BBS9: variants seen among roughly 807,000 people sequenced by gnomAD.
BBS9 encodes the protein Bardet-Biedl syndrome 9.
Under a neutral mutation model 117.7 loss-of-function variants are expected in BBS9, and 89 were observed. The ratio of observed to expected loss-of-function variants is 0.76; its 90% CI spans 0.64 to 0.90. The LOEUF (loss-of-function observed/expected upper bound fraction) is 0.90, where lower values mean the gene tolerates loss of function less well. Ranked by LOEUF, BBS9 falls within the 40% of genes least tolerant of loss-of-function variation. BBS9 has a pLI of 0.00. For missense variants in BBS9, 982 were observed against 1,042.2 expected (o/e 0.94, Z 0.80); for synonymous variants, 379 against 370.9 (o/e 1.02, Z -0.25).
chr7:33,363,364 G>A (rs1019123155), intron 16 of BBS9, among the ~76,000 whole-genome samples: 2 of 152,050 alleles, frequency 1.3e-5, no homozygotes, highest in Non-Finnish European at 1.5e-5. Context: ...TGGCCTCCCC[G>A]AGTGCTGGGA....
At chr7:33,476,489 C>G (rs1438771738) in intron 19 of BBS9, among the ~76,000 whole-genome samples, 1 of 152,224 alleles carries the variant, frequency 6.6e-6, no homozygotes, top group Non-Finnish European at 1.5e-5. Flanking sequence ...TGGGCAGCAT[C>G]TTGGCCATGG....
intron 19 of BBS9, among the ~76,000 whole-genome samples, chr7:33,462,379 T>C (rs1839592725): frequency 6.6e-6 from 1 of 152,086 alleles, no homozygotes; most frequent in African/African-American, 2.4e-5. Context: ...AGTTTGTAAA[T>C]GCAGTAATAT....
intron 20 of BBS9, among the ~76,000 whole-genome samples, chr7:33,521,962 G>A (rs1400739682): frequency 3.6e-5 from 5 of 137,572 alleles, no homozygotes; most frequent in Non-Finnish European, 6.0e-5. Context: ...TGATCTCATT[G>A]TTCAGTTCCC....
At chr7:33,261,066 CTT>C (rs796353587) in intron 6 of BBS9, among the ~76,000 whole-genome samples, 1 of 145,464 alleles carries the variant, frequency 6.9e-6, no homozygotes. Context: ...TCTCTCTCTC[CTT>C]TTTTTTTTTT....
At chr7:33,501,630 ATGT>A (rs1845457352) in intron 19 of BBS9, among the ~76,000 whole-genome samples, 1 of 152,182 alleles carries the variant, frequency 6.6e-6, no homozygotes, top group African/African-American at 2.4e-5. Context: ...ATGAACTGAC[ATGT>A]TGTTGCACTT....
chr7:33,204,135 G>A (rs1220166445), intron 5 of BBS9, among the ~76,000 whole-genome samples: 1 of 130,694 alleles, frequency 7.7e-6, no homozygotes, highest in Non-Finnish European at 1.6e-5. Flanking sequence ...CGGGCATGGT[G>A]GCTCACGCCT....
intron 19 of BBS9, among the ~76,000 whole-genome samples, chr7:33,430,907 G>A (rs1278210066): frequency 2.6e-5 from 4 of 152,026 alleles, no homozygotes; most frequent in Non-Finnish European, 5.9e-5. Flanking sequence ...CAATGGTACT[G>A]GCCTGGCATG....
At chr7:33,438,084 A>T (rs1177687903) in intron 19 of BBS9, among the ~76,000 whole-genome samples, 2 of 152,224 alleles carry the variant, frequency 1.3e-5, no homozygotes, top group East Asian at 3.8e-4. Context: ...CATAATGAAC[A>T]TATTGTGGTG....
At chr7:33,334,699 C>T (rs1297500172) in intron 9 of BBS9, among the ~76,000 whole-genome samples, 2 of 152,086 alleles carry the variant, frequency 1.3e-5, no homozygotes, top group Non-Finnish European at 2.9e-5. Context: ...ATGGCAGAAG[C>T]AATTGATAAA....
At chr7:33,397,406 G>A (rs1023479962) in intron 19 of BBS9, among the ~76,000 whole-genome samples, 1 of 152,168 alleles carries the variant, frequency 6.6e-6, no homozygotes, top group African/African-American at 2.4e-5. Context: ...GGAAGACAGT[G>A]TGGTGATTTC....
rs768230309 is a variant in BBS9, at chr7:33,596,393, A to ATC, written c.2522-8471_2522-8470insCT. Reference sequence around the variant, plus strand: ...TATCTATCTATCTATCTATCTATCTATATATAATTAGTCAAAAAAATTCCC... The same window carrying ATC: ...TATCTATCTATCTATCTATCTATCTATCTATATAATTAGTCAAAAAAATTCCC... On this transcript the variant is annotated intron_variant, in intron 21 of 22. Transcript: ENST00000242067. Among the ~76,000 whole-genome samples, 1,241 of 150,768 alleles carry ATC rather than the reference A, an allele frequency of 8.2e-3. 14 individuals are homozygous for ATC. Among genetic ancestry groups the ATC allele is most frequent in the African/African-American group, 0.015 (609 of 41,086 alleles).
chr7:33,556,716 A>G (rs879627063), intron 21 of BBS9, among the ~76,000 whole-genome samples: 29 of 152,148 alleles, frequency 1.9e-4, no homozygotes, highest in African/African-American at 4.6e-4. Context: ...AGAGGTGTCA[A>G]TTTGCTGGAG....
At chr7:33,422,317 T>A (rs146849729) in intron 19 of BBS9, among the ~76,000 whole-genome samples, 8 of 152,334 alleles carry the variant, frequency 5.3e-5, no homozygotes, top group African/African-American at 1.7e-4. Flanking sequence ...TGCAGACCAC[T>A]GTATATTTGA....
chr7:33,582,181 A>G (rs1385231273), intron 21 of BBS9, among the ~76,000 whole-genome samples: 2 of 152,234 alleles, frequency 1.3e-5, no homozygotes, highest in Middle Eastern at 3.4e-3. Flanking sequence ...TGGGTGAGGG[A>G]AGGCCTATCA....
intron 19 of BBS9, among the ~76,000 whole-genome samples, chr7:33,453,684 G>A (rs574749472): frequency 1.6e-4 from 24 of 151,902 alleles, no homozygotes; most frequent in Non-Finnish European, 2.8e-4. Context: ...ACCATGCCCG[G>A]CTAATTTTGT....
Position 33,336,743 on chromosome 7 carries a change from T to C in BBS9, c.1198+121T>C, listed in dbSNP as rs1815455536. 3 of 744,600 alleles carry C rather than the reference T, an allele frequency of 4.0e-6. No homozygotes were observed. In the East Asian group the frequency reaches 8.2e-5, roughly 20 times the overall value. The allele number at this position is 744,600 out of a possible 1,614,324, so 46.1% of individuals were successfully genotyped here. A position where few individuals can be genotyped will look rare whatever the true frequency, so the allele number is the denominator to read the frequency against. On this transcript the variant is annotated intron_variant, in intron 10 of 22. Coordinates refer to ENST00000242067, the MANE Select transcript of BBS9 (RefSeq NM_198428.3). ...CCTCTAGGCTTAATTAAAATCATAT[T>C]TGTAAAAACAGTATTGCTCTTTAGC...
chr7:33,311,519 A>G (rs1036260486), intron 9 of BBS9, among the ~76,000 whole-genome samples: 1 of 152,082 alleles, frequency 6.6e-6, no homozygotes, highest in Non-Finnish European at 1.5e-5. Context: ...CTTCTCATAT[A>G]CCCACCTTGC....
chr7:33,312,000 AT>A (rs1219246867), intron 9 of BBS9, among the ~76,000 whole-genome samples: 2 of 152,184 alleles, frequency 1.3e-5, no homozygotes, highest in Non-Finnish European at 2.9e-5. Context: ...TCCAAGAAAC[AT>A]TTGCATTTTG....
intron 5 of BBS9, among the ~76,000 whole-genome samples, chr7:33,190,813 A>G (rs1186510264): frequency 6.6e-6 from 1 of 152,208 alleles, no homozygotes; most frequent in Non-Finnish European, 1.5e-5. Flanking sequence ...CCTGAGCCAC[A>G]GGTGTGGGAA....
Sources: gnomAD v4.1 joint callset for allele counts (sites outside exome capture counted in the v4.1 genomes callset) on GRCh38, gnomAD v4.1.1 for gene constraint, MANE v1.5 for transcripts, NCBI Gene and HGNC (gene_info 2026-07-23, HGNC 2026-07-21) for gene names.